Variants in RPS6KC1 observed in about 807,000 individuals in gnomAD.
RPS6KC1 encodes the protein inactive ribosomal protein S6 kinase delta-1.
Under a neutral mutation model 103.8 loss-of-function variants are expected in RPS6KC1, and 54 were observed. The observed-to-expected ratio is 0.52, with a 90% CI of 0.42 to 0.65. The LOEUF (loss-of-function observed/expected upper bound fraction) is 0.65, where lower values mean the gene tolerates loss of function less well. Ranked by LOEUF, RPS6KC1 falls within the 30% of genes least tolerant of loss-of-function variation. The pLI is 0.00. For missense variants in RPS6KC1, 1,151 were observed against 1,253.8 expected, an observed-to-expected ratio of 0.92 and a Z score of 1.24; for synonymous variants, 439 against 438.7, an observed-to-expected ratio of 1.00 and a Z score of -0.01.
chr1:213,129,968 T>G (rs745554656), intron 6 of RPS6KC1, 79 bp downstream of exon 6: 153 of 1,325,226 alleles, frequency 1.2e-4, no homozygotes, highest in Non-Finnish European at 1.4e-4. Flanking sequence ...ATATATCTTC[T>G]GTATAGTCTT....
chr1:213,681,186 T>G, the RPS6KC1 span, among the ~76,000 whole-genome samples: 1 of 152,270 alleles, frequency 6.6e-6, no homozygotes, highest in East Asian at 1.9e-4. Context: ...CCCCCACCTC[T>G]GCTCTGTTCC....
the RPS6KC1 span, among the ~76,000 whole-genome samples, chr1:213,691,996 G>A: frequency 3.9e-5 from 6 of 152,172 alleles, no homozygotes; most frequent in Admixed American, 1.3e-4. Flanking sequence ...ATCCATATGG[G>A]TTGTTGCAGC....
the RPS6KC1 span, among the ~76,000 whole-genome samples, chr1:213,465,419 T>A: frequency 0.43 from 65,474 of 151,970 alleles, 14,958 homozygotes; most frequent in East Asian, 0.6. Flanking sequence ...GCATACACAT[T>A]TTCAGTTTCA....
intron 8 of RPS6KC1, among the ~76,000 whole-genome samples, chr1:213,179,414 C>CA (rs1182453138): frequency 3.1e-5 from 4 of 129,728 alleles, no homozygotes; most frequent in African/African-American, 5.8e-5. Flanking sequence ...GACCCTGTCT[C>CA]AAAAAAAAGA....
chr1:213,458,248 G>A, the RPS6KC1 span, among the ~76,000 whole-genome samples: 2 of 152,158 alleles, frequency 1.3e-5, no homozygotes, highest in Non-Finnish European at 2.9e-5. Flanking sequence ...AGAACATATG[G>A]TATTTGGTTT....
At chr1:213,339,161 G>A in the RPS6KC1 span, among the ~76,000 whole-genome samples, 1 of 152,210 alleles carries the variant, frequency 6.6e-6, no homozygotes. Flanking sequence ...CTACTCAGGA[G>A]GCTGAGAGGC....
At chr1:213,237,948 T>C (rs1460187786) in intron 10 of RPS6KC1, among the ~76,000 whole-genome samples, 2 of 152,118 alleles carry the variant, frequency 1.3e-5, no homozygotes, top group African/African-American at 4.8e-5. Flanking sequence ...ATTATACTTA[T>C]AGATCCTTAT....
the RPS6KC1 span, among the ~76,000 whole-genome samples, chr1:213,493,570 G>A: frequency 1.3e-4 from 20 of 152,310 alleles, no homozygotes; most frequent in Admixed American, 5.2e-4. Flanking sequence ...TGATAGGAAC[G>A]TACTTAATGC....
At chr1:213,720,785 T>C in the RPS6KC1 span, among the ~76,000 whole-genome samples, 1 of 152,218 alleles carries the variant, frequency 6.6e-6, no homozygotes, top group Non-Finnish European at 1.5e-5. Context: ...ATCTTGTGTT[T>C]TGACACCATG....
the RPS6KC1 span, among the ~76,000 whole-genome samples, chr1:213,753,143 C>A: frequency 6.6e-6 from 1 of 152,112 alleles, no homozygotes; most frequent in Non-Finnish European, 1.5e-5. Context: ...CCCCCTCCGA[C>A]GCATCCAGTG....
downstream of RPS6KC1, among the ~76,000 whole-genome samples, chr1:213,278,248 A>C (rs1014713598): frequency 6.6e-6 from 1 of 152,110 alleles, no homozygotes; most frequent in African/African-American, 2.4e-5. Context: ...TTTGGTTAGG[A>C]ATCCACAAGA....
the RPS6KC1 span, among the ~76,000 whole-genome samples, chr1:213,320,865 C>T: frequency 2.0e-5 from 3 of 152,158 alleles, no homozygotes; most frequent in Admixed American, 2.0e-4. Flanking sequence ...TGTACAGGCC[C>T]CTTTATGGGC....
At chr1:213,356,854 T>G in the RPS6KC1 span, among the ~76,000 whole-genome samples, 28 of 151,752 alleles carry the variant, frequency 1.8e-4, no homozygotes, top group African/African-American at 6.8e-4. Flanking sequence ...GGGGAAGAGG[T>G]TCTCAAAACT....
At chr1:213,324,587 G>C in the RPS6KC1 span, among the ~76,000 whole-genome samples, 1 of 123,738 alleles carries the variant, frequency 8.1e-6, no homozygotes, top group African/African-American at 3.3e-5. Flanking sequence ...TGTAATGCTC[G>C]ATATGCTTTT....
the RPS6KC1 span, among the ~76,000 whole-genome samples, chr1:213,352,501 G>A: frequency 6.6e-6 from 1 of 152,060 alleles, no homozygotes; most frequent in Admixed American, 6.6e-5. Context: ...TTTCTCAGGG[G>A]CCACAATATT....
At chr1:213,271,140 G>A (rs2095038517) in intron 14 of RPS6KC1, among the ~76,000 whole-genome samples, 1 of 152,118 alleles carries the variant, frequency 6.6e-6, no homozygotes, top group Non-Finnish European at 1.5e-5. Context: ...AACGTTAATA[G>A]CAACATTATT....
chr1:213,681,842 G>C, the RPS6KC1 span, among the ~76,000 whole-genome samples: 1 of 152,094 alleles, frequency 6.6e-6, no homozygotes, highest in Non-Finnish European at 1.5e-5. Context: ...TGCTAGAAGA[G>C]TTGAGCATTA....
chr1:213,534,229 G>A, the RPS6KC1 span, among the ~76,000 whole-genome samples: 1 of 152,204 alleles, frequency 6.6e-6, no homozygotes, highest in African/African-American at 2.4e-5. Flanking sequence ...TGAATGCTGT[G>A]TATCTGAAGT....
chr1:213,685,344 C>T, the RPS6KC1 span, among the ~76,000 whole-genome samples: 1 of 152,252 alleles, frequency 6.6e-6, no homozygotes, highest in East Asian at 1.9e-4. Context: ...TAAGATAAGA[C>T]TTTAGACTGG....
Sources: allele counts gnomAD v4.1 joint callset (sites outside exome capture counted in the v4.1 genomes callset), GRCh38; gene constraint gnomAD v4.1.1; transcripts MANE v1.5; gene names NCBI Gene and HGNC (gene_info 2026-07-23, HGNC 2026-07-21).